XDH: variants seen among roughly 807,000 people sequenced by gnomAD.
XDH encodes the protein xanthine dehydrogenase/oxidase.
Under a neutral mutation model 156.1 loss-of-function variants are expected in XDH, and 138 were observed. The observed-to-expected ratio is 0.88, with a 90% CI of 0.77 to 1.02. The LOEUF is 1.02. XDH is among the 50% of genes least tolerant of loss of function. The pLI is 0.00. For synonymous variants in XDH, 669 were observed against 625.7 expected (o/e 1.07, Z -1.03); for missense variants, 1,849 against 1,684.9 (o/e 1.10, Z -1.71).
At chr2:31,360,375 C>T (rs909373650) in intron 24 of XDH, among the ~76,000 whole-genome samples, 3 of 152,088 alleles carry the variant, frequency 2.0e-5, no homozygotes, top group African/African-American at 7.2e-5. Context: ...GGGCAGGGCA[C>T]TTGTAATCCC....
At chr2:31,365,627 G>A (rs1685893585) in intron 22 of XDH, 83 bp from the exon 23 acceptor site, 8 of 1,535,602 alleles carry the variant, frequency 5.2e-6, no homozygotes, top group South Asian at 1.1e-5. Context: ...AAACAGCCGG[G>A]AAGCCATCTT....
At chr2:31,365,859 A>C in intron 22 of XDH, 117 bp downstream of exon 22, 2 of 1,524,060 alleles carry the variant, frequency 1.3e-6, no homozygotes, top group Non-Finnish European at 1.8e-6. Context: ...GGGCTGTGAG[A>C]ATTCAAAGCA....
chr2:31,411,635 A>G (rs1687345312), intron 1 of XDH, among the ~76,000 whole-genome samples: 1 of 152,224 alleles, frequency 6.6e-6, no homozygotes, highest in Non-Finnish European at 1.5e-5. Context: ...TATTTACTAC[A>G]GGATTTCTCA....
chr2:31,363,137 C>A (rs1341139623), intron 24 of XDH, among the ~76,000 whole-genome samples: 1 of 152,088 alleles, frequency 6.6e-6, no homozygotes, highest in Non-Finnish European at 1.5e-5. Flanking sequence ...CATGGTGAAA[C>A]CCTGTCTCTA....
chr2:31,363,572 C>A (rs1685833350), intron 24 of XDH, among the ~76,000 whole-genome samples: 1 of 152,096 alleles, frequency 6.6e-6, no homozygotes. Flanking sequence ...TACTAACAAC[C>A]ATTAAATTAT....
chr2:31,360,409 G>C (rs1321592734), intron 24 of XDH, among the ~76,000 whole-genome samples: 1 of 152,164 alleles, frequency 6.6e-6, no homozygotes, highest in Non-Finnish European at 1.5e-5. Context: ...GCTGAGGCAG[G>C]AGAATCACTT....
chr2:31,379,760 T>C (rs966079393), intron 13 of XDH, 107 bp downstream of exon 13: 5 of 1,079,994 alleles, frequency 4.6e-6, no homozygotes, highest in Admixed American at 1.7e-5. Context: ...AATGTAAAGG[T>C]TGAGAGATGC....
intron 24 of XDH, among the ~76,000 whole-genome samples, chr2:31,360,409 G>A (rs1321592734): frequency 1.3e-5 from 2 of 152,282 alleles, no homozygotes; most frequent in Non-Finnish European, 2.9e-5. Context: ...GCTGAGGCAG[G>A]AGAATCACTT....
At position 31,348,923 on chromosome 2, in the gene XDH, G is replaced by T; in HGVS notation, c.3027C>A (p.Ser1009Arg). ...CCTGATTCAGAAAAGGAACTGTAAA[G>T]CTTATTCCAAACTTGGTGGGAATTA... ...LCIIPTKFGI[S>R]FTVPFLNQAG... Residue 1009 changes from serine (S) to arginine (R), a missense_variant, in exon 27 of 36, where the codon AGC becomes AGA. Physicochemically the swap from Ser to Arg is moderately radical, Grantham distance 110. Coordinates refer to ENST00000379416, the MANE Select transcript of XDH (RefSeq NM_000379.4). 1.2e-6 allele frequency: 2 copies of T among 1,613,452 alleles called. No homozygotes were observed. Among genetic ancestry groups the T allele is most frequent in the Non-Finnish European group, 1.7e-6 (2 of 1,179,320 alleles).
Position 31,365,555 on chromosome 2 carries a change from C to T in XDH, c.2457-11G>A, listed in dbSNP as rs752605623. Reference sequence around the variant, plus strand: ...ACAGGGCGGCCGGTCCTGGGGGTTACCGACAGTGTTAGAAGCCTGTGAGCC... The same window carrying T: ...ACAGGGCGGCCGGTCCTGGGGGTTATCGACAGTGTTAGAAGCCTGTGAGCC... On this transcript the variant is annotated splice_polypyrimidine_tract_variant and intron_variant, in intron 22 of 35. Transcript: ENST00000379416. 3.1e-6 allele frequency: 5 copies of T among 1,614,124 alleles called. No individual in the cohort carries two copies. Among genetic ancestry groups the T allele is most frequent in the East Asian group, 4.5e-5 (2 of 44,864 alleles).
In XDH at chr2:31,387,857, G is replaced by T; in HGVS notation, c.605C>A (p.Thr202Lys). 6.3e-7 allele frequency: 1 copy of T among 1,588,694 alleles called. No homozygotes were observed. The highest frequency in any genetic ancestry group is 8.6e-7 in the Non-Finnish European group (1 of 1,167,992). ...GGGCTCCTGGGTTGGATCCAGGGGC[G>T]TGAACTCCTCTGGTTTGAATAAAGA... ...SPSLFKPEEFTPLDPTQEPIF... is the reference protein window; with the variant it reads ...SPSLFKPEEFKPLDPTQEPIF... The change falls in exon 8 of 36, where the codon ACG (threonine) becomes AAG (lysine). Residue 202 changes from threonine to lysine, a missense_variant. Physicochemically the swap from Thr to Lys is moderately conservative, Grantham distance 78. Transcript: ENST00000379416.
intron 1 of XDH, among the ~76,000 whole-genome samples, chr2:31,413,041 T>G (rs1687384872): frequency 6.6e-6 from 1 of 152,228 alleles, no homozygotes; most frequent in African/African-American, 2.4e-5. Flanking sequence ...CTTGAAATTC[T>G]TCTTTCTAGA....
In XDH at chr2:31,337,512, G is replaced by A. The variant is rs577774278; in HGVS notation, c.3951+129C>T. On this transcript the variant is annotated intron_variant, in intron 35 of 35. Transcript: ENST00000379416. ...TTCATACCATGCACAATGAAGGGTG[G>A]CCATTGATGCAAGGCTGCCCGGTTA... 64 of 1,270,972 alleles carry A rather than the reference G, an allele frequency of 5.0e-5. No homozygotes were observed. In the Middle Eastern group the frequency reaches 1.3e-3, roughly 26 times the overall value. 78.7% of individuals were successfully genotyped at this position (1,270,972 alleles called of 1,614,324 possible).
chr2:31,394,669 C>T lies in XDH; in HGVS notation c.495+2999G>A, dbSNP rs142217309. On this transcript the variant is annotated intron_variant, in intron 6 of 35. Transcript: ENST00000379416. ...TCTTTTACTGCTGATATTCTCGTTA[C>T]ACATATGTTACATCTTTTGTAGTTA... 6.2e-4 allele frequency among the ~76,000 whole-genome samples: 94 copies of T among 152,250 alleles called. 2 individuals carry two copies. The East Asian group carries it at 0.017, about 28-fold the overall frequency.
chr2:31,378,135 G>GAAAGAAA (rs1686317602), intron 13 of XDH, among the ~76,000 whole-genome samples: 1 of 75,672 alleles, frequency 1.3e-5, no homozygotes, highest in African/African-American at 5.0e-5. Flanking sequence ...AGGAAGGAAG[G>GAAAGAAA]AAGGAAGGAA....
chr2:31,399,547 T>G (rs1181219387), intron 4 of XDH, among the ~76,000 whole-genome samples: 5 of 152,208 alleles, frequency 3.3e-5, no homozygotes, highest in African/African-American at 1.2e-4. Flanking sequence ...AGGGAGGATT[T>G]TAGGTTGATT....
Position 31,398,606 on chromosome 2 carries a change from G to T in XDH, c.400C>A (p.Pro134Thr), listed in dbSNP as rs1686976051. 6.2e-7 allele frequency: 1 copy of T among 1,614,140 alleles called. No individual in the cohort carries two copies. The highest frequency in any genetic ancestry group is 8.5e-7 in the Non-Finnish European group (1 of 1,179,988). The change falls in exon 5 of 36, where the codon CCC (proline) becomes ACC (threonine). Residue 134 changes from proline to threonine, a missense_variant. Pro to Thr is a conservative substitution (Grantham distance 38). Transcript: ENST00000379416. The stretch of plus-strand genomic sequence containing the variant: ...GCATTCTCAATCTCCTCCATGGTGG[G>T]CTCGGGCTGATTCCGGAGCAGTGTG... Reference protein sequence around the residue: ...MYTLLRNQPEPTMEEIENAFQ... With the variant: ...MYTLLRNQPETTMEEIENAFQ...
intron 6 of XDH, among the ~76,000 whole-genome samples, chr2:31,393,999 T>C (rs999304998): frequency 3.9e-5 from 6 of 152,250 alleles, no homozygotes; most frequent in African/African-American, 1.4e-4. Flanking sequence ...CATATATATA[T>C]ACATATGCAC....
chr2:31,401,371 G>A (rs1296300973), intron 3 of XDH, 43 bp from the exon 4 acceptor site: 2 of 1,603,318 alleles, frequency 1.2e-6, no homozygotes, highest in Non-Finnish European at 8.5e-7. Flanking sequence ...TGTCCACTCA[G>A]ATCATCAGAA....
Sources: allele counts gnomAD v4.1 joint callset (sites outside exome capture counted in the v4.1 genomes callset), GRCh38; gene constraint gnomAD v4.1.1; transcripts MANE v1.5; gene names NCBI Gene and HGNC (gene_info 2026-07-23, HGNC 2026-07-21).